The following CCNF variants were observed in gnomAD, a reference collection of about 807,000 sequenced individuals.
CCNF encodes the protein cyclin-F.
CCNF carries 30 observed loss-of-function variants against 85.4 expected under a neutral mutation model. The observed-to-expected ratio is 0.35, with a 90% CI of 0.26 to 0.48. The LOEUF (loss-of-function observed/expected upper bound fraction) is 0.48. Among genes scored for constraint, CCNF ranks in the 20% least tolerant of loss-of-function variants. CCNF has a pLI of 0.99. For missense variants in CCNF, 919 were observed against 1,010.4 expected (o/e 0.91, Z 1.23); for synonymous variants, 439 against 425.1 (o/e 1.03, Z -0.40).
intron 9 of CCNF, 135 bp from the exon 10 acceptor site, chr16:2,445,323 C>T: frequency 1.9e-6 from 2 of 1,042,718 alleles, no homozygotes; most frequent in East Asian, 2.4e-5. Context: ...CCTCTCCAGC[C>T]TTGGTTCCAG....
At chr16:2,440,685 G>T (rs2065316448) in intron 8 of CCNF, among the ~76,000 whole-genome samples, 1 of 152,190 alleles carries the variant, frequency 6.6e-6, no homozygotes, top group Non-Finnish European at 1.5e-5. Context: ...CCAAGTGGGT[G>T]GCAGAGTGAT....
intron 10 of CCNF, 47 bp from the exon 11 acceptor site, chr16:2,448,808 G>T (rs1666146629): frequency 6.3e-7 from 1 of 1,594,114 alleles, no homozygotes; most frequent in Non-Finnish European, 8.6e-7. Context: ...CCCCACCCCT[G>T]CCCCAGGAAG....
intron 16 of CCNF, 52 bp downstream of exon 16, chr16:2,455,616 C>G (rs746698931): frequency 1.9e-6 from 3 of 1,542,996 alleles, no homozygotes; most frequent in East Asian, 4.6e-5. Flanking sequence ...GAGGGTGGCT[C>G]TCACCGAGGG....
rs745725260 is a variant in CCNF at position 2,449,105 on chromosome 16, C to T, written c.1218+127C>T. The T allele has an allele frequency of 2.7e-6, 4 of 1,487,992 alleles. No homozygotes were observed. The Admixed American group carries it at 5.1e-5, about 19-fold the overall frequency. 92.2% of individuals were successfully genotyped at this position (1,487,992 alleles called of 1,614,324 possible). A position where few individuals can be genotyped will look rare whatever the true frequency, so the allele number is the denominator to read the frequency against. ...CAGAGAGCAGCTGTCTCTGCTGTGCCCAAAGCCATGGAGCAGGAGGCCACG... is the reference window on the plus strand; with the variant it reads ...CAGAGAGCAGCTGTCTCTGCTGTGCTCAAAGCCATGGAGCAGGAGGCCACG... On this transcript the variant is annotated intron_variant, in intron 11 of 16. Coordinates refer to ENST00000397066, the MANE Select transcript of CCNF (RefSeq NM_001761.3).
intron 15 of CCNF, among the ~76,000 whole-genome samples, chr16:2,454,438 G>A (rs535792586): frequency 3.2e-4 from 49 of 152,318 alleles, no homozygotes; most frequent in African/African-American, 1.1e-3. Flanking sequence ...AGGGGGCCTG[G>A]CCCTGGCCCT....
At chr16:2,449,530 G>A in intron 12 of CCNF, 68 bp downstream of exon 12, 1 of 1,460,858 alleles carries the variant, frequency 6.8e-7, no homozygotes, top group Non-Finnish European at 9.3e-7. Flanking sequence ...AGGCTGTGGG[G>A]AGGAAAAGAG....
At chr16:2,449,786 T>TC in intron 12 of CCNF, 42 bp from the exon 13 acceptor site, 2 of 720,640 alleles carry the variant, frequency 2.8e-6, no homozygotes, top group Non-Finnish European at 4.5e-6. Flanking sequence ...ATCCCCTCCG[T>TC]CCCCTCCATC....
At position 2,443,764 on chromosome 16, in the gene CCNF, T is replaced by C; in HGVS notation, c.893T>C (p.Val298Ala). 1.2e-6 allele frequency: 2 copies of C among 1,614,042 alleles called. No individual in the cohort carries two copies. The highest frequency in any genetic ancestry group is 1.7e-6 in the Non-Finnish European group (2 of 1,180,000). The change falls in exon 9 of 17, where the codon GTC becomes GCC. Residue 298 changes from valine (V) to alanine (A), a missense_variant. Val to Ala is a moderately conservative substitution (Grantham distance 64). Around this residue, in one of 3 missense-constraint regions of CCNF, gnomAD observed 410 missense variants for 478.6 expected, o/e 0.86. Coordinates refer to ENST00000397066, the MANE Select transcript of CCNF (RefSeq NM_001761.3). The stretch of plus-strand genomic sequence containing the variant: ...TCCCAGGCTGTCAGTAAACAACAAG[T>C]CTTCTCCGTGCAGAAGGGACTCAAT... ...QASQAVSKQQ[V>A]FSVQKGLNDT...
At position 2,457,069 on chromosome 16, in the gene CCNF, G is replaced by A; in HGVS notation, c.*49G>A. On this transcript the variant is annotated 3_prime_UTR_variant, in exon 17 of 17. Coordinates refer to ENST00000397066, the MANE Select transcript of CCNF (RefSeq NM_001761.3). Reference sequence around the variant, plus strand: ...TGGATGTGTACTGAGGGGGCTGGAGGCGAAGGGTGGGAGCATAGCATAGGA... The same window carrying A: ...TGGATGTGTACTGAGGGGGCTGGAGACGAAGGGTGGGAGCATAGCATAGGA... The A allele has an allele frequency of 1.5e-6, 2 of 1,376,744 alleles. No homozygotes were observed. The highest frequency in any genetic ancestry group is 2.0e-6 in the Non-Finnish European group (2 of 1,004,928). The allele number at this position is 1,376,744 out of a possible 1,614,324, so 85.3% of individuals were successfully genotyped here.
chr16:2,449,528 G>A, intron 12 of CCNF, 66 bp downstream of exon 12: 4 of 1,481,134 alleles, frequency 2.7e-6, no homozygotes, highest in Non-Finnish European at 3.6e-6. Flanking sequence ...GGAGGCTGTG[G>A]GGAGGAAAAG....
At chr16:2,442,816 CTATAATATAT>C (rs2065337047) in intron 8 of CCNF, among the ~76,000 whole-genome samples, 1 of 40,940 alleles carries the variant, frequency 2.4e-5, no homozygotes, top group Non-Finnish European at 4.0e-5. Context: ...ATAATATATT[CTATAATATAT>C]GTAATATTAT....
intron 2 of CCNF, among the ~76,000 whole-genome samples, chr16:2,431,861 C>T (rs1436338767): frequency 4.1e-5 from 6 of 147,424 alleles, no homozygotes; most frequent in Admixed American, 6.8e-5. Context: ...GACAGAGTCT[C>T]GCTCTGCCAC....
rs1567391839 is a variant in CCNF at position 2,455,393 on chromosome 16, A to G, written c.1716-2A>G. The G allele has an allele frequency of 1.9e-6, 3 of 1,576,914 alleles. No individual in the cohort carries two copies. The highest frequency in any genetic ancestry group is 2.6e-6 in the Non-Finnish European group (3 of 1,151,990). On this transcript the variant is annotated splice_acceptor_variant, in intron 15 of 16. Transcript: ENST00000397066. LOFTEE classifies it high-confidence loss of function. ...GTCTCCTGGGCTCTCTCCACCTTGC[A>G]GGAAGCGGGAGAACAGCCTCCAGGA...
intron 15 of CCNF, among the ~76,000 whole-genome samples, chr16:2,454,491 C>T (rs545766358): frequency 2.6e-5 from 4 of 152,210 alleles, no homozygotes; most frequent in South Asian, 2.1e-4. Flanking sequence ...CAGAGGCCCC[C>T]CACAGCCCCA....
In CCNF at chr16:2,437,280, C is replaced by CGT; in HGVS notation, c.500_501dup (p.Val168TrpfsTer28). On this transcript the variant is annotated frameshift_variant, in exon 5 of 17. Coordinates refer to ENST00000397066, the MANE Select transcript of CCNF (RefSeq NM_001761.3). LOFTEE classifies it high-confidence loss of function. ...CGGTGAGCGGAAGCTGCTGCAAGGCCGTGGTTCACGAGAGCCTCAGGGCAG... is the reference window on the plus strand; with the variant it reads ...CGGTGAGCGGAAGCTGCTGCAAGGCCGTGTGGTTCACGAGAGCCTCAGGGCAG... 1 of 1,607,552 alleles carries CGT rather than the reference C, an allele frequency of 6.2e-7. No individual in the cohort carries two copies. Among genetic ancestry groups the CGT allele is most frequent in the Non-Finnish European group, 8.5e-7 (1 of 1,178,124 alleles).
chr16:2,456,451 T>C lies in CCNF; in HGVS notation c.1886-94T>C, dbSNP rs1004889978. 1.2e-6 allele frequency: 1 copy of C among 830,740 alleles called. No individual in the cohort carries two copies. Among genetic ancestry groups the C allele is most frequent in the Non-Finnish European group, 1.8e-6 (1 of 553,934 alleles). 51.5% of individuals were successfully genotyped at this position (830,740 alleles called of 1,614,324 possible). On this transcript the variant is annotated intron_variant, in intron 16 of 16. Transcript: ENST00000397066. The surrounding 1 kb of genome is among the most constrained non-coding windows in gnomAD (Gnocchi z 4.5). ...CAGGGGACCGTAGCAAGGTAGAAGA[T>C]TCTTGACCTGGACTTCAGGGTCCTG...
chr16:2,449,227 C>T (rs768688650), intron 11 of CCNF, 55 bp from the exon 12 acceptor site: 1 of 1,589,562 alleles, frequency 6.3e-7, no homozygotes, highest in Non-Finnish European at 8.6e-7. Context: ...GCATGCGGCA[C>T]TGCACCAAGG....
chr16:2,430,972 T>G (rs1488268568), intron 1 of CCNF, 158 bp from the exon 2 acceptor site: 1 of 823,072 alleles, frequency 1.2e-6, no homozygotes, highest in Admixed American at 1.7e-5. Flanking sequence ...ATAATCTTTG[T>G]TTGGGACAAG....
chr16:2,445,235 C>A (rs1215880717), intron 9 of CCNF, among the ~76,000 whole-genome samples: 1 of 152,152 alleles, frequency 6.6e-6, no homozygotes, highest in Admixed American at 6.6e-5. Flanking sequence ...TTTGGGAGCA[C>A]CAGGAACACA....
Sources: gnomAD v4.1 joint callset for allele counts (sites outside exome capture counted in the v4.1 genomes callset) on GRCh38, gnomAD v4.1.1 for gene constraint, gnomAD v4.1.1 regional missense constraint, Gnocchi (gnomAD v3.1) non-coding constraint, MANE v1.5 for transcripts, NCBI Gene and HGNC (gene_info 2026-07-23, HGNC 2026-07-21) for gene names.